The following LRPPRC variants were observed in gnomAD, a reference collection of about 807,000 sequenced individuals.
The protein encoded by LRPPRC is leucine rich pentatricopeptide repeat containing, also known as leucine-rich PPR motif-containing protein, mitochondrial.
LRPPRC carries 120 observed loss-of-function variants against 180.3 expected under a neutral mutation model. The ratio of observed to expected loss-of-function variants is 0.67; its 90% CI spans 0.57 to 0.77. The LOEUF is 0.77. Among genes scored for constraint, LRPPRC ranks in the 30% least tolerant of loss-of-function variants. The pLI is 0.00. For missense variants in LRPPRC, 2,012 were observed against 1,657.2 expected (o/e 1.21, Z -3.72); for synonymous variants, 723 against 600.0 (o/e 1.21, Z -3.00).
chr2:43,960,590 T>C lies in LRPPRC; in HGVS notation c.1533A>G (p.Gly511=). ...TCCCATTTGCTGCTTCACTTCTCAA[T>C]CCAGCTTGAGAAAACATATCACTAT... The part of the protein sequence containing the change: ...LSDSDMFSQA[G]LRSEAANGNL... Residue 511 remains glycine (G), a synonymous_variant, in exon 13 of 38, where the codon GGA becomes GGG. Transcript: ENST00000260665. 2.5e-6 allele frequency: 4 copies of C among 1,607,166 alleles called. No individual in the cohort carries two copies. The highest frequency in any genetic ancestry group is 3.4e-6 in the Non-Finnish European group (4 of 1,174,836).
intron 14 of LRPPRC, among the ~76,000 whole-genome samples, chr2:43,957,161 T>C (rs1303825919): frequency 2.0e-5 from 3 of 152,226 alleles, no homozygotes. Context: ...GGAAACAGGA[T>C]CTTTACCAAA....
In LRPPRC at chr2:43,988,312, G is replaced by A. The variant is rs551838272; in HGVS notation, c.150-5878C>T. On this transcript the variant is annotated intron_variant, in intron 1 of 37. Transcript: ENST00000260665. ...AACACTTTGGGAGGCCAAGGCGGGCGGATCACCTGAGGTCGGGAGTTCTAG... is the reference window on the plus strand; with the variant it reads ...AACACTTTGGGAGGCCAAGGCGGGCAGATCACCTGAGGTCGGGAGTTCTAG... 2.0e-3 allele frequency among the ~76,000 whole-genome samples: 305 copies of A among 151,506 alleles called. 1 individual carries two copies. The highest frequency in any genetic ancestry group is 3.2e-3 in the Non-Finnish European group (220 of 67,926).
intron 27 of LRPPRC, among the ~76,000 whole-genome samples, chr2:43,924,747 A>G (rs2105039973): frequency 6.6e-6 from 1 of 152,336 alleles, no homozygotes; most frequent in South Asian, 2.1e-4. Context: ...TCACCAATAA[A>G]TTTACCTGAA....
intron 27 of LRPPRC, among the ~76,000 whole-genome samples, chr2:43,923,554 C>T (rs1439699521): frequency 1.3e-5 from 2 of 152,186 alleles, no homozygotes. Flanking sequence ...GGCCACCTCT[C>T]ACCTGGCCTT....
intron 31 of LRPPRC, chr2:43,901,776 C>G (rs1380302282): frequency 4.4e-6 from 2 of 455,034 alleles, no homozygotes; most frequent in Middle Eastern, 6.3e-4. Flanking sequence ...ATGTTACCGA[C>G]AATATGAGTT....
chr2:43,891,829 T>C (rs1263541124), intron 36 of LRPPRC, among the ~76,000 whole-genome samples: 1 of 152,254 alleles, frequency 6.6e-6, no homozygotes, highest in Non-Finnish European at 1.5e-5. Context: ...CGAGATACGC[T>C]GAAAGCTAGG....
At chr2:43,956,885 G>A (rs1247289775) in intron 14 of LRPPRC, among the ~76,000 whole-genome samples, 2 of 152,032 alleles carry the variant, frequency 1.3e-5, no homozygotes, top group Non-Finnish European at 1.5e-5. Flanking sequence ...GCAAGACTCC[G>A]TCTCAAAAAA....
chr2:43,960,870 G>A (rs937023488), intron 12 of LRPPRC, among the ~76,000 whole-genome samples: 21 of 152,092 alleles, frequency 1.4e-4, no homozygotes, highest in African/African-American at 4.8e-4. Context: ...TTACTTCCAG[G>A]ATGAGTTTAC....
intron 1 of LRPPRC, among the ~76,000 whole-genome samples, chr2:43,983,366 T>C (rs1392394148): frequency 1.3e-5 from 2 of 152,134 alleles, no homozygotes; most frequent in Non-Finnish European, 2.9e-5. Context: ...AGAATATTTT[T>C]AGGTTTATAG....
intron 29 of LRPPRC, 134 bp from the exon 30 acceptor site, chr2:43,912,692 TAGA>T: frequency 1.5e-6 from 1 of 658,316 alleles, no homozygotes; most frequent in Non-Finnish European, 2.7e-6. Flanking sequence ...TACCACTCTA[TAGA>T]GAGACACACT....
At chr2:43,965,011 T>C (rs1422033708) in intron 11 of LRPPRC, among the ~76,000 whole-genome samples, 3 of 152,134 alleles carry the variant, frequency 2.0e-5, no homozygotes, top group East Asian at 1.9e-4. Flanking sequence ...CAAGACCTTG[T>C]CTTTTTTTGA....
intron 31 of LRPPRC, among the ~76,000 whole-genome samples, chr2:43,904,105 G>T (rs1169279619): frequency 2.0e-5 from 3 of 151,950 alleles, no homozygotes; most frequent in African/African-American, 7.3e-5. Context: ...ACCATGCCTG[G>T]CTATTTAAAA....
At chr2:43,964,088 G>T in intron 11 of LRPPRC, among the ~76,000 whole-genome samples, 1 of 152,142 alleles carries the variant, frequency 6.6e-6, no homozygotes, top group South Asian at 2.1e-4. Context: ...GCAAAGAGAA[G>T]TGACTGATTT....
At chr2:43,937,213 A>G (rs1672308335) in intron 23 of LRPPRC, among the ~76,000 whole-genome samples, 2 of 152,154 alleles carry the variant, frequency 1.3e-5, no homozygotes, top group Non-Finnish European at 2.9e-5. Flanking sequence ...AACAACAGAA[A>G]AAACAAGAAT....
In LRPPRC at chr2:43,946,243, T is replaced by G; in HGVS notation, c.2080A>C (p.Asn694His). 1 of 1,609,404 alleles carries G rather than the reference T, an allele frequency of 6.2e-7. No individual in the cohort carries two copies. Among genetic ancestry groups the G allele is most frequent in the Non-Finnish European group, 8.5e-7 (1 of 1,176,110 alleles). ...TTCAATTCAAGGGCTTTTTGCATAT[T>G]CTAAAATACAGCATAGATGTGAAAA... ...QLILVLCSEE[N>H]MQKALELKAK... Residue 694 changes from asparagine (N) to histidine (H), a missense_variant and splice_region_variant, in exon 21 of 38, where the codon AAT (asparagine) becomes CAT (histidine). Physicochemically the swap from Asn to His is moderately conservative, Grantham distance 68. Coordinates refer to ENST00000260665, the MANE Select transcript of LRPPRC (RefSeq NM_133259.4).
chr2:43,887,575 G>C lies in LRPPRC; in HGVS notation c.*1025C>G, dbSNP rs887793513. 1 of 152,184 alleles carries C rather than the reference G, an allele frequency of 6.6e-6. No homozygotes were observed. Among genetic ancestry groups the C allele is most frequent in the African/African-American group, 2.4e-5 (1 of 41,422 alleles). 9.4% of individuals were successfully genotyped at this position (152,184 alleles called of 1,614,324 possible). A position where few individuals can be genotyped will look rare whatever the true frequency, so the allele number is the denominator to read the frequency against. On this transcript the variant is annotated 3_prime_UTR_variant, in exon 38 of 38. Coordinates refer to ENST00000260665, the MANE Select transcript of LRPPRC (RefSeq NM_133259.4). Reference sequence around the variant, plus strand: ...AACAAGGAATACCCCAAAATGGGGAGAGTTCTCAAAACATTTTCAACATTT... The same window carrying C: ...AACAAGGAATACCCCAAAATGGGGACAGTTCTCAAAACATTTTCAACATTT...
chr2:43,920,852 A>T (rs1438686026), intron 27 of LRPPRC, among the ~76,000 whole-genome samples: 1 of 152,188 alleles, frequency 6.6e-6, no homozygotes, highest in Admixed American at 6.5e-5. Context: ...CTAAACAATA[A>T]AAAGGTGGGT....
At chr2:43,942,750 C>A (rs9309112) in intron 23 of LRPPRC, among the ~76,000 whole-genome samples, 41,664 of 151,922 alleles carry the variant, frequency 0.27, 7,265 homozygotes, top group East Asian at 0.95. Context: ...AGGACAACAT[C>A]CACACTACAT....
At chr2:43,901,258 G>T in intron 32 of LRPPRC, 62 bp downstream of exon 32, 1 of 1,340,922 alleles carries the variant, frequency 7.5e-7, no homozygotes, top group Non-Finnish European at 1.1e-6. Context: ...TTAAAAGGTG[G>T]TATCTGAGGC....
Sources: gnomAD v4.1 joint callset for allele counts (sites outside exome capture counted in the v4.1 genomes callset) on GRCh38, gnomAD v4.1.1 for gene constraint, MANE v1.5 for transcripts, NCBI Gene and HGNC (gene_info 2026-07-23, HGNC 2026-07-21) for gene names.